WNT2B: variants seen among roughly 807,000 people sequenced by gnomAD.
The protein encoded by WNT2B is protein Wnt-2b.
WNT2B carries 19 observed loss-of-function variants against 40.5 expected under a neutral mutation model. The observed-to-expected ratio is 0.47, with a 90% CI of 0.33 to 0.69. The LOEUF (loss-of-function observed/expected upper bound fraction) is 0.69, where lower values mean the gene tolerates loss of function less well. WNT2B is among the 30% of genes least tolerant of loss of function. The pLI, the probability that WNT2B is intolerant of heterozygous loss-of-function variation, is 0.02. For synonymous variants in WNT2B, 220 were observed against 211.9 expected (o/e 1.04, Z -0.33); for missense variants, 467 against 556.4 (o/e 0.84, Z 1.62).
Position 112,490,885 on chromosome 1 carries a change from C to T in WNT2B, c.-95+23294C>T, listed in dbSNP as rs1329535868. On this transcript the variant is annotated intron_variant, in intron 1 of 4. Coordinates refer to the WNT2B transcript ENST00000256640. ...GGTCTAGGCCAAAATTTACCTCTTC[C>T]GGAAAGATCCCCCCTGGATTCCCAA... The T allele has an allele frequency of 6.5e-6, 6 of 927,068 alleles. No homozygotes were observed. The Admixed American group carries it at 1.2e-4, about 18-fold the overall frequency. The allele number at this position is 927,068 out of a possible 1,614,324, so 57.4% of individuals were successfully genotyped here.
upstream of WNT2B, among the ~76,000 whole-genome samples, chr1:112,505,237 C>A (rs903058647): frequency 2.0e-5 from 3 of 152,222 alleles, no homozygotes; most frequent in Non-Finnish European, 4.4e-5. Flanking sequence ...ACCTGGGATT[C>A]TTCCTCAGGT....
Position 112,526,035 on chromosome 1 carries a change from TCTTCTG to T in WNT2B, c.*5527_*5532del. The T allele has an allele frequency of 6.2e-7, 1 of 1,614,122 alleles. No individual in the cohort carries two copies. The highest frequency in any genetic ancestry group is 8.5e-7 in the Non-Finnish European group (1 of 1,180,012). On this transcript the variant is annotated 3_prime_UTR_variant, in exon 5 of 5. Transcript: ENST00000369684. ...GGCTCAGCCAGAACTCAAACCTAGG[TCTTCTG>T]ACTTCAAATCCTGTGTATTCTCCTC...
chr1:112,485,174 CA>C (rs1484122358), intron 1 of WNT2B, among the ~76,000 whole-genome samples: 2 of 152,184 alleles, frequency 1.3e-5, no homozygotes, highest in East Asian at 3.8e-4. Flanking sequence ...TTATAGTCGT[CA>C]GGCCTGGGGG....
chr1:112,502,272 T>C (rs1346579329), intron 1 of WNT2B, among the ~76,000 whole-genome samples: 2 of 152,088 alleles, frequency 1.3e-5, no homozygotes, highest in Non-Finnish European at 2.9e-5. Context: ...CCGTCCCTGC[T>C]GAAAGCATCC....
intron 1 of WNT2B, among the ~76,000 whole-genome samples, chr1:112,470,927 T>C (rs923574133): frequency 6.6e-5 from 10 of 152,214 alleles, no homozygotes; most frequent in African/African-American, 2.2e-4. Context: ...TTACTGTGAC[T>C]GTGTCCCAGG....
Position 112,515,138 on chromosome 1 carries a change from G to T in WNT2B, c.403+44G>T. Reference sequence around the variant, plus strand: ...CTGTGTCAGCTCCTTCCCTTTCTGTGCTGGGGGTGGTGAGTGGGAAGAGTA... The same window carrying T: ...CTGTGTCAGCTCCTTCCCTTTCTGTTCTGGGGGTGGTGAGTGGGAAGAGTA... On this transcript the variant is annotated intron_variant, in intron 2 of 4. Coordinates refer to ENST00000369684, the MANE Select transcript of WNT2B (RefSeq NM_024494.3). This position sits in a 1 kb window ranked among gnomAD's most constrained non-coding sequence, Gnocchi z 4.4. The T allele has an allele frequency of 6.3e-7, 1 of 1,590,908 alleles. No individual in the cohort carries two copies.
At chr1:112,484,787 G>T (rs1651363759) in intron 1 of WNT2B, among the ~76,000 whole-genome samples, 1 of 150,178 alleles carries the variant, frequency 6.7e-6, no homozygotes, top group Non-Finnish European at 1.5e-5. Context: ...AATGGAAGTA[G>T]AAATTAATAA....
chr1:112,482,165 G>A (rs578140456), intron 1 of WNT2B, among the ~76,000 whole-genome samples: 6 of 150,226 alleles, frequency 4.0e-5, no homozygotes, highest in Non-Finnish European at 8.9e-5. Flanking sequence ...AAAAAAATTA[G>A]CCAGGCTAAT....
chr1:112,495,439 A>G (rs759778079), intron 1 of WNT2B, among the ~76,000 whole-genome samples: 34 of 152,112 alleles, frequency 2.2e-4, no homozygotes, highest in Non-Finnish European at 2.1e-4. Context: ...ACAAAAAAAA[A>G]TTAGCTGGGC....
chr1:112,487,993 T>A (rs575885453), intron 1 of WNT2B, among the ~76,000 whole-genome samples: 35 of 145,752 alleles, frequency 2.4e-4, no homozygotes, highest in African/African-American at 8.1e-4. Flanking sequence ...ATATAAAAAA[T>A]TTTTTAAAAA....
At chr1:112,497,466 A>G (rs1651814742) in intron 1 of WNT2B, among the ~76,000 whole-genome samples, 1 of 152,208 alleles carries the variant, frequency 6.6e-6, no homozygotes, top group Admixed American at 6.5e-5. Flanking sequence ...CCACATAGCA[A>G]AGATTTTAAA....
chr1:112,508,698 G>A, upstream of WNT2B: 1 of 985,358 alleles, frequency 1.0e-6, no homozygotes, highest in Non-Finnish European at 1.2e-6. This position sits in a 1 kb window ranked among gnomAD's most constrained non-coding sequence, Gnocchi z 4.2. Context: ...AAGGGCGCTA[G>A]GACCCGGTGG....
In WNT2B at chr1:112,509,194, C is replaced by G. The variant is rs901365600; in HGVS notation, c.-69C>G. On this transcript the variant is annotated 5_prime_UTR_variant, in exon 1 of 5. Coordinates refer to ENST00000369684, the MANE Select transcript of WNT2B (RefSeq NM_024494.3). This position sits in a 1 kb window ranked among gnomAD's most constrained non-coding sequence, Gnocchi z 4.2. Reference sequence around the variant, plus strand: ...CCCCAGGGGGGTGAGGTAGGAGCAGCCTGAGTACCCCCAGAAGGTGCCCCG... The same window carrying G: ...CCCCAGGGGGGTGAGGTAGGAGCAGGCTGAGTACCCCCAGAAGGTGCCCCG... 4.9e-6 allele frequency: 7 copies of G among 1,426,424 alleles called. No homozygotes were observed. Among genetic ancestry groups the G allele is most frequent in the Admixed American group, 3.1e-5 (1 of 32,614 alleles). The allele number at this position is 1,426,424 out of a possible 1,614,324, so 88.4% of individuals were successfully genotyped here. A position where few individuals can be genotyped will look rare whatever the true frequency, so the allele number is the denominator to read the frequency against.
intron 1 of WNT2B, among the ~76,000 whole-genome samples, chr1:112,500,294 TA>T (rs1377851244): frequency 6.6e-6 from 1 of 152,172 alleles, no homozygotes; most frequent in Non-Finnish European, 1.5e-5. Flanking sequence ...AGCCGGACAT[TA>T]AAGATAGAGT....
chr1:112,506,945 A>G (rs1652124175), upstream of WNT2B, among the ~76,000 whole-genome samples: 1 of 152,072 alleles, frequency 6.6e-6, no homozygotes, highest in African/African-American at 2.4e-5. Flanking sequence ...CCTCCCATTC[A>G]TGACTTGGAG....
intron 1 of WNT2B, among the ~76,000 whole-genome samples, chr1:112,491,239 C>A (rs1651594858): frequency 6.6e-6 from 1 of 152,052 alleles, no homozygotes; most frequent in Non-Finnish European, 1.5e-5. Context: ...GAAACTCCGT[C>A]TCTACCAAAA....
intron 1 of WNT2B, among the ~76,000 whole-genome samples, chr1:112,474,442 C>T (rs1222361891): frequency 6.6e-6 from 1 of 152,160 alleles, no homozygotes; most frequent in Admixed American, 6.5e-5. Context: ...GCCACCATGC[C>T]TGGCCAAGAG....
chr1:112,471,479 T>G (rs1650878762), intron 1 of WNT2B, among the ~76,000 whole-genome samples: 1 of 152,250 alleles, frequency 6.6e-6, no homozygotes, highest in African/African-American at 2.4e-5. Flanking sequence ...GGTATGATTA[T>G]CTATTCACAA....
At chr1:112,487,933 CAAAAAAAAAA>C (rs59297238) in intron 1 of WNT2B, among the ~76,000 whole-genome samples, 6 of 68,210 alleles carry the variant, frequency 8.8e-5, no homozygotes, top group South Asian at 5.9e-4. Context: ...GGCTCTGACT[CAAAAAAAAAA>C]AAAAAAAAAA....
Sources: gnomAD v4.1 joint callset for allele counts (sites outside exome capture counted in the v4.1 genomes callset) on GRCh38, gnomAD v4.1.1 for gene constraint, Gnocchi (gnomAD v3.1) non-coding constraint, MANE v1.5 for transcripts, NCBI Gene and HGNC (gene_info 2026-07-23, HGNC 2026-07-21) for gene names.